ZNF606: variants seen among roughly 807,000 people sequenced by gnomAD.
The protein encoded by ZNF606 is zinc finger protein 606, also known as zinc finger protein 328.
ZNF606 carries 37 observed loss-of-function variants against 74.9 expected under a neutral mutation model. The ratio of observed to expected loss-of-function variants is 0.49; its 90% CI spans 0.38 to 0.65. The LOEUF is 0.65. Ranked by LOEUF, ZNF606 falls within the 30% of genes least tolerant of loss-of-function variation. The pLI is 0.00. For missense variants in ZNF606, 852 were observed against 952.9 expected (o/e 0.89, Z 1.39); for synonymous variants, 328 against 312.4 (o/e 1.05, Z -0.53).
At chr19:57,990,048 T>C (rs2073232211) in intron 4 of ZNF606, among the ~76,000 whole-genome samples, 1 of 43,656 alleles carries the variant, frequency 2.3e-5, no homozygotes, top group African/African-American at 1.0e-4. Flanking sequence ...CGAGACTCCA[T>C]CTCAAAAAAA....
chr19:57,985,783 A>T (rs920408046), intron 6 of ZNF606, among the ~76,000 whole-genome samples: 1 of 151,836 alleles, frequency 6.6e-6, no homozygotes, highest in Non-Finnish European at 1.5e-5. Flanking sequence ...AAAAAAAAAA[A>T]ATTAGCTGGG....
At chr19:57,983,401 C>T (rs987708641) in intron 6 of ZNF606, among the ~76,000 whole-genome samples, 1 of 151,880 alleles carries the variant, frequency 6.6e-6, no homozygotes, top group Non-Finnish European at 1.5e-5. Context: ...ATGGTGAAAC[C>T]CCGTCTCTAC....
At chr19:57,993,016 A>G (rs2073283258) in intron 4 of ZNF606, among the ~76,000 whole-genome samples, 1 of 152,226 alleles carries the variant, frequency 6.6e-6, no homozygotes, top group African/African-American at 2.4e-5. Context: ...TGTAATCACC[A>G]AAGTCCTTAT....
intron 6 of ZNF606, among the ~76,000 whole-genome samples, chr19:57,987,482 T>C (rs1370277072): frequency 6.6e-6 from 1 of 152,138 alleles, no homozygotes; most frequent in East Asian, 1.9e-4. Context: ...GAACATTACC[T>C]ATATTTTAAA....
In ZNF606 at chr19:57,978,792, C is replaced by G; in HGVS notation, c.1888G>C (p.Gly630Arg). Residue 630 changes from glycine (G) to arginine (R), a missense_variant, in exon 7 of 7, where the codon GGA becomes CGA. By Grantham distance (125) the Gly-to-Arg change is moderately radical. This residue lies in a region of ZNF606 where 243 missense variants were observed against 359.2 expected (regional missense o/e 0.68). Transcript: ENST00000551380. This position sits in a 1 kb window ranked among gnomAD's most constrained non-coding sequence, Gnocchi z 4.4. Reference sequence around the variant, plus strand: ...TGAGCCATCTGGCTACAGGATTTTCCACATTTATTACATTCATAGGGCTTA... The same window carrying G: ...TGAGCCATCTGGCTACAGGATTTTCGACATTTATTACATTCATAGGGCTTA... ...GIKPYECNKC[G>R]KSCSQMAHLV... The G allele has an allele frequency of 6.2e-7, 1 of 1,614,136 alleles. No individual in the cohort carries two copies. Among genetic ancestry groups the G allele is most frequent in the Non-Finnish European group, 8.5e-7 (1 of 1,180,020 alleles).
At chr19:57,992,290 T>C (rs1327613340) in intron 4 of ZNF606, among the ~76,000 whole-genome samples, 1 of 152,180 alleles carries the variant, frequency 6.6e-6, no homozygotes. Flanking sequence ...TAACCCATCA[T>C]ACCTGAAGAT....
chr19:57,985,204 G>A (rs7256017), intron 6 of ZNF606, among the ~76,000 whole-genome samples: 2,835 of 152,256 alleles, frequency 0.019, 88 homozygotes, highest in African/African-American at 0.064. Context: ...ATTTTAATAA[G>A]AACAGTAAGC....
intron 1 of ZNF606, among the ~76,000 whole-genome samples, chr19:58,001,755 G>A (rs1460396841): frequency 6.6e-6 from 1 of 152,162 alleles, no homozygotes; most frequent in South Asian, 2.1e-4. Context: ...GGGGAACAAG[G>A]GTTTCTTTGT....
Position 57,979,205 on chromosome 19 carries a change from G to C in ZNF606, c.1475C>G (p.Ser492Cys). 1 of 1,613,728 alleles carries C rather than the reference G, an allele frequency of 6.2e-7. No individual in the cohort carries two copies. The highest frequency in any genetic ancestry group is 1.1e-5 in the South Asian group (1 of 91,038). ...AATAAGATGAGAGTTCCAGTTGAAA[G>C]ATTTCCCACACTCATTACAAACATA... The part of the protein sequence containing the change: ...KPYVCNECGK[S>C]FNWNSHLIGH... The change falls in exon 7 of 7, where the codon TCT (serine) becomes TGT (cysteine). Residue 492 changes from serine to cysteine, a missense_variant. By Grantham distance (112) the Ser-to-Cys change is moderately radical. This residue lies in a region of ZNF606 where 243 missense variants were observed against 359.2 expected (regional missense o/e 0.68). Coordinates refer to ENST00000551380, the MANE Select transcript of ZNF606 (RefSeq NM_001348022.3).
At chr19:57,984,405 G>A (rs559690812) in intron 6 of ZNF606, among the ~76,000 whole-genome samples, 1 of 152,302 alleles carries the variant, frequency 6.6e-6, no homozygotes, top group African/African-American at 2.4e-5. Flanking sequence ...AAAGCTCCTG[G>A]AATTCATGAG....
Position 57,979,962 on chromosome 19 carries a change from G to C in ZNF606, c.718C>G (p.Pro240Ala), listed in dbSNP as rs762019759. Residue 240 changes from proline (P) to alanine (A), a missense_variant, in exon 7 of 7, where the codon CCT becomes GCT. Physicochemically the swap from Pro to Ala is conservative, Grantham distance 27 (BLOSUM62 -1). Transcript: ENST00000551380. ...RVSQIEHFYKPDTHAQSWRCD... is the reference protein window; with the variant it reads ...RVSQIEHFYKADTHAQSWRCD... ...CTCCAACTTTGAGCATGTGTATCAG[G>C]CTTATAGAAATGTTCTATCTGAGAA... 1.9e-6 allele frequency: 3 copies of C among 1,613,890 alleles called. No homozygotes were observed. The Admixed American group carries it at 5.0e-5, about 27-fold the overall frequency.
At chr19:57,995,910 T>C (rs937014911) in intron 4 of ZNF606, among the ~76,000 whole-genome samples, 7 of 152,010 alleles carry the variant, frequency 4.6e-5, no homozygotes, top group African/African-American at 1.7e-4. Flanking sequence ...AATCCATGAG[T>C]GGTTGCCTGA....
rs2073449534 is a variant in ZNF606 at position 58,002,445 on chromosome 19, GT to G, written c.-102del. ...TTGAAGGCGGCGCAGCAGGATCGGG[GT>G]CTGCCCGCCTGGGGCGTTTGGCTTT... On this transcript the variant is annotated 5_prime_UTR_variant, in exon 1 of 7. Coordinates refer to ENST00000551380, the MANE Select transcript of ZNF606 (RefSeq NM_001348022.3). The G allele has an allele frequency of 2.2e-6, 1 of 455,422 alleles. No individual in the cohort carries two copies. 28.2% of individuals were successfully genotyped at this position (455,422 alleles called of 1,614,324 possible). A position where few individuals can be genotyped will look rare whatever the true frequency, so the allele number is the denominator to read the frequency against.
At chr19:57,986,774 T>C (rs779187893) in intron 6 of ZNF606, among the ~76,000 whole-genome samples, 23 of 152,268 alleles carry the variant, frequency 1.5e-4, no homozygotes, top group East Asian at 1.9e-4. Context: ...CCAAACTACA[T>C]TGTCATAAAT....
rs2073428110 is a variant in ZNF606, at chr19:58,001,505, T to C, written c.-51-135A>G. 4.5e-6 allele frequency: 3 copies of C among 659,594 alleles called. No individual in the cohort carries two copies. In the East Asian group the frequency reaches 8.2e-5, roughly 18 times the overall value. The allele number at this position is 659,594 out of a possible 1,614,324, so 40.9% of individuals were successfully genotyped here. The stretch of plus-strand genomic sequence containing the variant: ...ATCGTAAGAAAAGAGAATTTACATG[T>C]CAAAAAAGTAACACAATTCCTGGAG... On this transcript the variant is annotated intron_variant, in intron 1 of 6. Coordinates refer to ENST00000551380, the MANE Select transcript of ZNF606 (RefSeq NM_001348022.3).
At chr19:58,000,319 T>G in intron 3 of ZNF606, 1 of 512,770 alleles carries the variant, frequency 2.0e-6, no homozygotes, top group Non-Finnish European at 3.4e-6. Flanking sequence ...CCTCCTGGCT[T>G]CACGCCATTC....
At chr19:57,987,850 CA>C (rs923420306) in intron 6 of ZNF606, among the ~76,000 whole-genome samples, 33 of 152,100 alleles carry the variant, frequency 2.2e-4, no homozygotes, top group African/African-American at 8.0e-4. Context: ...CTAAAAAGCC[CA>C]AAAAGACTAT....
intron 1 of ZNF606, chr19:58,001,917 C>T: frequency 3.2e-6 from 1 of 309,064 alleles, no homozygotes; most frequent in South Asian, 2.7e-5. Context: ...AATTCACCTC[C>T]AAGATTTACT....
Position 57,978,151 on chromosome 19 carries a change from T to G in ZNF606, c.*150A>C. On this transcript the variant is annotated 3_prime_UTR_variant, in exon 7 of 7. Transcript: ENST00000551380. This position sits in a 1 kb window ranked among gnomAD's most constrained non-coding sequence, Gnocchi z 4.4. Reference sequence around the variant, plus strand: ...AGCTTTTCCCTATTCTTTTCCTTCATGGGGTTTCTTCTAAGATGATATTTT... The same window carrying G: ...AGCTTTTCCCTATTCTTTTCCTTCAGGGGGTTTCTTCTAAGATGATATTTT... 1.3e-6 allele frequency: 1 copy of G among 757,062 alleles called. No homozygotes were observed. The highest frequency in any genetic ancestry group is 2.0e-6 in the Non-Finnish European group (1 of 505,716). 46.9% of individuals were successfully genotyped at this position (757,062 alleles called of 1,614,324 possible). A position where few individuals can be genotyped will look rare whatever the true frequency, so the allele number is the denominator to read the frequency against.
Sources: allele counts gnomAD v4.1 joint callset (sites outside exome capture counted in the v4.1 genomes callset), GRCh38; gene constraint gnomAD v4.1.1; regional missense constraint gnomAD v4.1.1; non-coding constraint Gnocchi (gnomAD v3.1); transcripts MANE v1.5; gene names NCBI Gene and HGNC (gene_info 2026-07-23, HGNC 2026-07-21).